Variants in PIGU observed in about 807,000 individuals in gnomAD.
PIGU encodes GPI-anchor transamidase component PIGU.
A neutral mutation model predicts 49.9 loss-of-function variants in PIGU; 24 were observed. The observed-to-expected ratio is 0.48, with a 90% confidence interval of 0.35 to 0.68. PIGU has a LOEUF of 0.68. PIGU is among the 30% of genes least tolerant of loss of function. PIGU has a pLI of 0.01. For synonymous variants in PIGU, 220 were observed against 205.7 expected, an observed-to-expected ratio of 1.07 and a Z score of -0.59; for missense variants, 490 against 532.6, an observed-to-expected ratio of 0.92 and a Z score of 0.79.
At chr20:34,636,007 A>G (rs1341445287) in intron 5 of PIGU, among the ~76,000 whole-genome samples, 1 of 151,066 alleles carries the variant, frequency 6.6e-6, no homozygotes, top group Non-Finnish European at 1.5e-5. Flanking sequence ...CCTAGCCAAC[A>G]TGGCGAGACT....
chr20:34,573,921 C>T (rs1983117228), intron 11 of PIGU, among the ~76,000 whole-genome samples: 1 of 152,276 alleles, frequency 6.6e-6, no homozygotes, highest in South Asian at 2.1e-4. Context: ...AATGTCCATG[C>T]AGGAAACACC....
intron 5 of PIGU, among the ~76,000 whole-genome samples, chr20:34,634,953 C>T (rs1257541099): frequency 6.6e-6 from 1 of 152,188 alleles, no homozygotes; most frequent in Non-Finnish European, 1.5e-5. Context: ...TGTATTTAAT[C>T]ATCACAGAGA....
At chr20:34,561,221 C>T (rs1203752582) in intron 11 of PIGU, among the ~76,000 whole-genome samples, 1 of 152,192 alleles carries the variant, frequency 6.6e-6, no homozygotes, top group Non-Finnish European at 1.5e-5. Context: ...ACCTCCATCC[C>T]AGGCTCTGGC....
At chr20:34,600,061 C>T (rs547415630) in intron 7 of PIGU, among the ~76,000 whole-genome samples, 4 of 152,200 alleles carry the variant, frequency 2.6e-5, no homozygotes, top group Non-Finnish European at 5.9e-5. Flanking sequence ...CTACTGATAC[C>T]GCTGATCTAG....
intron 6 of PIGU, among the ~76,000 whole-genome samples, chr20:34,630,887 C>T (rs1482810193): frequency 1.3e-5 from 2 of 152,072 alleles, no homozygotes; most frequent in African/African-American, 2.4e-5. Flanking sequence ...TCAAGCAATC[C>T]TCCCACCTCA....
chr20:34,617,943 C>T (rs957394530), intron 6 of PIGU, among the ~76,000 whole-genome samples: 3 of 152,038 alleles, frequency 2.0e-5, no homozygotes, highest in African/African-American at 7.2e-5. Flanking sequence ...CAGGGGTTTC[C>T]GCTTTTGCTT....
intron 1 of PIGU, among the ~76,000 whole-genome samples, chr20:34,675,268 A>AG: frequency 7.7e-6 from 1 of 130,426 alleles, no homozygotes; most frequent in African/African-American, 2.8e-5. Context: ...AAAAAAAAAA[A>AG]AGAGAGAGAG....
At chr20:34,626,228 C>T (rs1457751684) in intron 6 of PIGU, among the ~76,000 whole-genome samples, 1 of 150,926 alleles carries the variant, frequency 6.6e-6, no homozygotes, top group Non-Finnish European at 1.5e-5. Flanking sequence ...GAATAAAAAT[C>T]AAAACTACAA....
At chr20:34,600,895 G>A (rs565707339) in intron 7 of PIGU, among the ~76,000 whole-genome samples, 4 of 152,152 alleles carry the variant, frequency 2.6e-5, no homozygotes, top group South Asian at 2.1e-4. Flanking sequence ...TTAGCCAGAC[G>A]TGGTGGCACA....
chr20:34,611,510 GT>G (rs1984811656), intron 7 of PIGU, among the ~76,000 whole-genome samples: 1 of 151,974 alleles, frequency 6.6e-6, no homozygotes, highest in Non-Finnish European at 1.5e-5. Context: ...GCCAGGCATG[GT>G]GGCACGTGCC....
chr20:34,613,715 G>C (rs1984904920), intron 7 of PIGU, among the ~76,000 whole-genome samples: 1 of 152,196 alleles, frequency 6.6e-6, no homozygotes, highest in Non-Finnish European at 1.5e-5. Context: ...GCAGCACATT[G>C]TTATGTGGAA....
At chr20:34,647,032 C>T (rs550316859) in intron 2 of PIGU, among the ~76,000 whole-genome samples, 5 of 152,118 alleles carry the variant, frequency 3.3e-5, no homozygotes, top group East Asian at 3.9e-4. Flanking sequence ...GGCAGAGTTT[C>T]GCTCTTGTTG....
In PIGU at chr20:34,575,130, T is replaced by C. The variant is rs1167338576; in HGVS notation, c.1168A>G (p.Ile390Val). 3.7e-6 allele frequency: 6 copies of C among 1,614,168 alleles called. No homozygotes were observed. The highest frequency in any genetic ancestry group is 5.1e-6 in the Non-Finnish European group (6 of 1,180,022). The change falls in exon 11 of 12, where the codon ATC becomes GTC. Residue 390 changes from isoleucine to valine, a missense_variant. Coordinates refer to ENST00000217446, the MANE Select transcript of PIGU (RefSeq NM_080476.5). ...GSANSNFFYA[I>V]TLTFNVGQIL... is the part of the protein sequence containing the mutation. ...TGCCCAACGTTGAAGGTCAGTGTGA[T>C]GGCATAAAAGAAATTAGAGTTGGCA...
chr20:34,636,805 C>G (rs1355860678), intron 5 of PIGU, among the ~76,000 whole-genome samples: 1 of 152,106 alleles, frequency 6.6e-6, no homozygotes, highest in Non-Finnish European at 1.5e-5. Context: ...ATACCTCCCA[C>G]GACTGTGAGA....
intron 10 of PIGU, among the ~76,000 whole-genome samples, chr20:34,579,867 C>T (rs574316599): frequency 6.4e-4 from 97 of 152,332 alleles, no homozygotes; most frequent in Non-Finnish European, 9.6e-4. Flanking sequence ...GCTCTGATCA[C>T]GGAACTATGT....
At chr20:34,608,764 C>G (rs1984708237) in intron 7 of PIGU, among the ~76,000 whole-genome samples, 2 of 152,172 alleles carry the variant, frequency 1.3e-5, no homozygotes, top group African/African-American at 2.4e-5. Flanking sequence ...TACAGCTTTG[C>G]TACAACTCCC....
intron 6 of PIGU, among the ~76,000 whole-genome samples, chr20:34,617,693 G>A (rs1402524525): frequency 6.6e-6 from 1 of 152,152 alleles, no homozygotes; most frequent in Non-Finnish European, 1.5e-5. Context: ...AGACTTTGGG[G>A]GACTGTTGGA....
intron 2 of PIGU, among the ~76,000 whole-genome samples, chr20:34,646,402 G>A (rs1160976899): frequency 6.6e-6 from 1 of 152,026 alleles, no homozygotes; most frequent in Non-Finnish European, 1.5e-5. Flanking sequence ...TGTATCACAC[G>A]AGTTTTGATA....
Position 34,616,123 on chromosome 20 carries a change from A to G in PIGU, c.546T>C (p.Ser182=). ...ATGTCGCTAAGGCAAGAAAAATAGCACTGAGGAAAGCACTGCCTGTAAAAA... is the reference window on the plus strand; with the variant it reads ...ATGTCGCTAAGGCAAGAAAAATAGCGCTGAGGAAAGCACTGCCTGTAAAAA... ...LTTIKGSAFL[S]AIFLALATYQ... Residue 182 remains serine (S), a synonymous_variant, in exon 7 of 12, where the codon AGT becomes AGC. Transcript: ENST00000217446. 1 of 1,612,996 alleles carries G rather than the reference A, an allele frequency of 6.2e-7. No individual in the cohort carries two copies. Among genetic ancestry groups the G allele is most frequent in the Non-Finnish European group, 8.5e-7 (1 of 1,179,558 alleles).
Sources: gnomAD v4.1 joint callset for allele counts (sites outside exome capture counted in the v4.1 genomes callset) on GRCh38, gnomAD v4.1.1 for gene constraint, MANE v1.5 for transcripts, NCBI Gene and HGNC (gene_info 2026-07-23, HGNC 2026-07-21) for gene names.